The following PCDH15 variants were observed in gnomAD, a reference collection of about 807,000 sequenced individuals.
The protein encoded by PCDH15 is protocadherin-15.
PCDH15 carries 129 observed loss-of-function variants against 178.5 expected under a neutral mutation model. The ratio of observed to expected loss-of-function variants is 0.72; its 90% confidence interval spans 0.63 to 0.84. The LOEUF (loss-of-function observed/expected upper bound fraction) is 0.84, where lower values mean the gene tolerates loss of function less well. PCDH15 is among the 40% of genes least tolerant of loss of function. The pLI, the probability that PCDH15 is intolerant of heterozygous loss-of-function variation, is 0.00. For synonymous variants in PCDH15, 800 were observed against 732.0 expected, an observed-to-expected ratio of 1.09 and a Z score of -1.50; for missense variants, 2,230 against 2,099.9, an observed-to-expected ratio of 1.06 and a Z score of -1.21.
At chr10:55,323,761 G>A (rs573203684), upstream of PCDH15, among the ~76,000 whole-genome samples, 1 of 152,282 alleles carries the variant, frequency 6.6e-6, no homozygotes, top group South Asian at 2.1e-4. Flanking sequence ...TGAGGCTTTG[G>A]ACTGTGGAGT....
intron 2 of PCDH15, among the ~76,000 whole-genome samples, chr10:54,627,789 C>T (rs2093597821): frequency 6.6e-6 from 1 of 152,134 alleles, no homozygotes; most frequent in Admixed American, 6.6e-5. Context: ...AGAATTTGTT[C>T]AAGTCTCTTA....
At chr10:54,438,722 T>C (rs1331856768) in intron 3 of PCDH15, among the ~76,000 whole-genome samples, 1 of 152,094 alleles carries the variant, frequency 6.6e-6, no homozygotes, top group Non-Finnish European at 1.5e-5. Context: ...ATGGGTGCAA[T>C]GCTGAGTGCC....
intron 3 of PCDH15, among the ~76,000 whole-genome samples, chr10:54,828,330 C>T (rs1026019488): frequency 1.8e-4 from 27 of 151,870 alleles, no homozygotes; most frequent in African/African-American, 6.3e-4. Context: ...ATGGTGGATC[C>T]AAAATGAAAA....
chr10:55,043,158 A>C lies in PCDH15; in HGVS notation c.-80+123418T>G, dbSNP rs186570573. On this transcript the variant is annotated intron_variant, in intron 2 of 5. Transcript: ENST00000458638. Reference sequence around the variant, plus strand: ...TTTTAGAACTTATTTTTTTGGTGAGAGGGAAGTAGATTTTTTTTCTACGTG... The same window carrying C: ...TTTTAGAACTTATTTTTTTGGTGAGCGGGAAGTAGATTTTTTTTCTACGTG... Among the ~76,000 whole-genome samples, 954 of 151,918 alleles carry C rather than the reference A, an allele frequency of 6.3e-3. 15 individuals carry two copies. The highest frequency in any genetic ancestry group is 0.014 in the Middle Eastern group (4 of 292).
chr10:54,608,894 T>C (rs1046586491), intron 2 of PCDH15, among the ~76,000 whole-genome samples: 3 of 151,976 alleles, frequency 2.0e-5, no homozygotes, highest in Non-Finnish European at 2.9e-5. Flanking sequence ...ATTTGGGAAA[T>C]GAAAATATAT....
intron 2 of PCDH15, among the ~76,000 whole-genome samples, chr10:55,437,477 T>C (rs141246481): frequency 8.4e-4 from 128 of 152,262 alleles, no homozygotes; most frequent in African/African-American, 2.9e-3. Flanking sequence ...CTCACAGTTT[T>C]GGAAAAGAGG....
chr10:55,449,201 T>C (rs1185019874), intron 2 of PCDH15, among the ~76,000 whole-genome samples: 1 of 152,064 alleles, frequency 6.6e-6, no homozygotes, highest in African/African-American at 2.4e-5. Context: ...TAAAACCTCA[T>C]TTTACATCCA....
At chr10:54,948,380 C>G (rs1048306358) in intron 2 of PCDH15, among the ~76,000 whole-genome samples, 2 of 151,812 alleles carry the variant, frequency 1.3e-5, no homozygotes, top group Non-Finnish European at 2.9e-5. Context: ...TGAGGCCCAC[C>G]CACATTAGAG....
intron 27 of PCDH15, among the ~76,000 whole-genome samples, chr10:53,865,609 C>T (rs1373526674): frequency 1.3e-5 from 2 of 152,132 alleles, no homozygotes; most frequent in African/African-American, 4.8e-5. Flanking sequence ...TTAATATCTC[C>T]TATGTCAAAA....
At chr10:54,540,502 T>G (rs993713822) in intron 2 of PCDH15, among the ~76,000 whole-genome samples, 7 of 152,082 alleles carry the variant, frequency 4.6e-5, no homozygotes, top group African/African-American at 1.4e-4. Context: ...AGTTCCATAT[T>G]GACTCAGTAA....
intron 2 of PCDH15, among the ~76,000 whole-genome samples, chr10:55,432,534 A>G (rs1838908195): frequency 6.6e-6 from 1 of 152,172 alleles, no homozygotes; most frequent in Non-Finnish European, 1.5e-5. Flanking sequence ...TAAGAGAACA[A>G]TAGTGACTTG....
At chr10:54,316,447 T>C (rs2061272596) in intron 8 of PCDH15, among the ~76,000 whole-genome samples, 1 of 151,950 alleles carries the variant, frequency 6.6e-6, no homozygotes, top group African/African-American at 2.4e-5. Context: ...AGAGAGCTGA[T>C]TGCTTTCCAG....
chr10:54,458,023 T>A (rs2076936318), intron 3 of PCDH15, among the ~76,000 whole-genome samples: 1 of 152,234 alleles, frequency 6.6e-6, no homozygotes, highest in South Asian at 2.1e-4. Context: ...TAATGGCTAC[T>A]GCCAAATGAG....
intron 11 of PCDH15, among the ~76,000 whole-genome samples, chr10:54,189,211 A>C (rs1331863438): frequency 1.3e-5 from 2 of 151,976 alleles, no homozygotes; most frequent in Admixed American, 1.3e-4. Flanking sequence ...CAATGAAGTA[A>C]GTATATTTAA....
intron 2 of PCDH15, among the ~76,000 whole-genome samples, chr10:55,619,683 A>C (rs1843549633): frequency 6.6e-6 from 1 of 151,970 alleles, no homozygotes; most frequent in African/African-American, 2.4e-5. Context: ...TCAATATCTA[A>C]ATTCTCTAGC....
chr10:54,566,216 A>T (rs1219783), intron 2 of PCDH15, among the ~76,000 whole-genome samples: 142,535 of 152,190 alleles, frequency 0.94, 67,101 homozygotes, highest in South Asian at 0.98. Flanking sequence ...TTTACAAAAA[A>T]AATGGGAGGA....
chr10:55,500,761 G>A (rs1026404782), intron 2 of PCDH15, among the ~76,000 whole-genome samples: 10 of 151,800 alleles, frequency 6.6e-5, no homozygotes, highest in African/African-American at 2.4e-4. Flanking sequence ...AAATATTTGA[G>A]TGCATATAAA....
chr10:54,439,595 GA>G (rs200637484), intron 3 of PCDH15, among the ~76,000 whole-genome samples: 1,521 of 151,952 alleles, frequency 0.01, 30 homozygotes, highest in African/African-American at 0.033. Flanking sequence ...AAGCAGTGGG[GA>G]AAAAAATGGT....
intron 20 of PCDH15, among the ~76,000 whole-genome samples, chr10:54,012,043 C>T (rs1347903818): frequency 1.3e-5 from 2 of 151,998 alleles, no homozygotes; most frequent in Admixed American, 1.3e-4. Flanking sequence ...CTAAGGATTA[C>T]AATAAAACAA....
Sources: gnomAD v4.1 joint callset for allele counts (sites outside exome capture counted in the v4.1 genomes callset) on GRCh38, gnomAD v4.1.1 for gene constraint, MANE v1.5 for transcripts, NCBI Gene and HGNC (gene_info 2026-07-23, HGNC 2026-07-21) for gene names.